MBNL1: variants seen among roughly 807,000 people sequenced by gnomAD.
The protein encoded by MBNL1 is muscleblind like splicing regulator 1, also known as muscleblind-like protein 1.
MBNL1 carries 8 observed loss-of-function variants against 42.2 expected under a neutral mutation model. The ratio of observed to expected loss-of-function variants is 0.19; its 90% CI spans 0.11 to 0.34. The LOEUF is 0.34. MBNL1 is among the 10% of genes least tolerant of loss of function. The pLI, the probability that MBNL1 is intolerant of heterozygous loss-of-function variation, is 1.00. For missense variants in MBNL1, 309 were observed against 495.3 expected (o/e 0.62, Z 3.57); for synonymous variants, 169 against 173.9 (o/e 0.97, Z 0.22).
chr3:152,428,633 T>G (rs2098967151), intron 3 of MBNL1, among the ~76,000 whole-genome samples: 1 of 152,210 alleles, frequency 6.6e-6, no homozygotes, highest in African/African-American at 2.4e-5. Context: ...CAGAAAAATG[T>G]ACCTATATCT....
intron 1 of MBNL1, among the ~76,000 whole-genome samples, chr3:152,271,622 A>G (rs950028723): frequency 2.0e-5 from 3 of 152,176 alleles, no homozygotes; most frequent in Admixed American, 2.0e-4. Context: ...AAAATTCTGT[A>G]TGCAAAGGCA....
intron 1 of MBNL1, among the ~76,000 whole-genome samples, chr3:152,292,774 C>CT (rs397874900): frequency 0.023 from 3,348 of 144,960 alleles, 59 homozygotes; most frequent in African/African-American, 0.057. Flanking sequence ...TTAATTAATA[C>CT]TTTTTTTTTT....
intron 2 of MBNL1, among the ~76,000 whole-genome samples, chr3:152,317,917 A>G (rs1169207364): frequency 3.3e-5 from 5 of 152,246 alleles, no homozygotes; most frequent in Admixed American, 1.3e-4. Context: ...TACAACAAGT[A>G]GTATCCTTTA....
At chr3:152,445,143 A>G (rs1212941371) in intron 4 of MBNL1, 139 bp from the exon 5 acceptor site, 6 of 639,568 alleles carry the variant, frequency 9.4e-6, no homozygotes, top group Admixed American at 8.8e-5. Context: ...TGCTGAAGTT[A>G]CTTGTTGCCT....
intron 2 of MBNL1, among the ~76,000 whole-genome samples, chr3:152,246,071 C>G (rs546933590): frequency 6.6e-6 from 1 of 152,008 alleles, no homozygotes; most frequent in Non-Finnish European, 1.5e-5. Flanking sequence ...GTGACAGAGC[C>G]AGATTCTGTC....
At chr3:152,422,613 A>G (rs770720554) in intron 3 of MBNL1, among the ~76,000 whole-genome samples, 3 of 152,234 alleles carry the variant, frequency 2.0e-5, no homozygotes, top group Non-Finnish European at 4.4e-5. Flanking sequence ...ATAGACATCT[A>G]CAGGACTCTC....
At chr3:152,400,500 C>T (rs1181915740) in intron 2 of MBNL1, among the ~76,000 whole-genome samples, 1 of 152,182 alleles carries the variant, frequency 6.6e-6, no homozygotes, top group Non-Finnish European at 1.5e-5. Flanking sequence ...ATAATACACT[C>T]TTTCTTAAGT....
intron 5 of MBNL1, chr3:152,446,670 A>C: frequency 6.2e-7 from 1 of 1,601,560 alleles, no homozygotes; most frequent in South Asian, 1.1e-5. Flanking sequence ...CCACTGGCCC[A>C]TTGCCATCAT....
chr3:152,385,275 A>G (rs1426037279), intron 2 of MBNL1, among the ~76,000 whole-genome samples: 1 of 152,068 alleles, frequency 6.6e-6, no homozygotes, highest in Non-Finnish European at 1.5e-5. Context: ...TTCCTTAAGT[A>G]AATAAGGTAC....
Position 152,359,905 on chromosome 3 carries a change from A to G in MBNL1, c.175-55036A>G, listed in dbSNP as rs115583453. 5.0e-3 allele frequency among the ~76,000 whole-genome samples: 756 copies of G among 152,324 alleles called. 1 individual carries two copies. Among genetic ancestry groups the G allele is most frequent in the Non-Finnish European group, 7.9e-3 (539 of 68,030 alleles). On this transcript the variant is annotated intron_variant, in intron 2 of 9. Coordinates refer to ENST00000324210, the MANE Select transcript of MBNL1 (RefSeq NM_021038.5). The stretch of plus-strand genomic sequence containing the variant: ...GCAGTTAGACCAGTCTCACTATAAA[A>G]TACAAAGCACAATAATACACAGAAG...
chr3:152,460,042 C>T (rs1358353994), intron 9 of MBNL1, among the ~76,000 whole-genome samples: 4 of 151,396 alleles, frequency 2.6e-5, no homozygotes, highest in African/African-American at 9.7e-5. Flanking sequence ...TTGCTTGAGC[C>T]CAGGAATTTA....
At chr3:152,260,638 TG>T (rs1212563174) in intron 2 of MBNL1, among the ~76,000 whole-genome samples, 30 of 151,930 alleles carry the variant, frequency 2.0e-4, no homozygotes, top group Non-Finnish European at 2.9e-4. Context: ...CTCAAGGGGG[TG>T]CTTATAATCA....
chr3:152,421,979 A>T (rs1445192889), intron 3 of MBNL1, among the ~76,000 whole-genome samples: 1 of 151,586 alleles, frequency 6.6e-6, no homozygotes, highest in East Asian at 1.9e-4. Context: ...AAAAAAAAAT[A>T]CCAAAATGTA....
chr3:152,301,130 T>G (rs1168366591), intron 2 of MBNL1, among the ~76,000 whole-genome samples: 1 of 152,198 alleles, frequency 6.6e-6, no homozygotes, highest in African/African-American at 2.4e-5. Flanking sequence ...AAAGTTAGCT[T>G]TTGTGGGCAC....
chr3:152,307,792 G>A (rs1408868059), intron 2 of MBNL1, among the ~76,000 whole-genome samples: 1 of 152,150 alleles, frequency 6.6e-6, no homozygotes, highest in Non-Finnish European at 1.5e-5. Context: ...ATAACTAACA[G>A]CAGTACTTAA....
chr3:152,261,275 T>A (rs575058894), intron 2 of MBNL1, among the ~76,000 whole-genome samples: 4 of 152,166 alleles, frequency 2.6e-5, no homozygotes, highest in Admixed American at 6.5e-5. Context: ...GTCTCCTCAT[T>A]ATGAGCATGG....
intron 1 of MBNL1, chr3:152,298,890 T>G (rs1370354803): frequency 1.3e-5 from 2 of 152,194 alleles, no homozygotes; most frequent in Non-Finnish European, 2.9e-5. Flanking sequence ...AGCTGCAATT[T>G]TTAAACCTTG....
intron 4 of MBNL1, among the ~76,000 whole-genome samples, chr3:152,442,159 C>G (rs2099153720): frequency 1.3e-5 from 2 of 151,966 alleles, no homozygotes; most frequent in African/African-American, 4.8e-5. Context: ...ATTTATCTGC[C>G]AAAAATAATG....
chr3:152,357,506 G>A (rs1170145074), intron 2 of MBNL1, among the ~76,000 whole-genome samples: 1 of 152,172 alleles, frequency 6.6e-6, no homozygotes, highest in Non-Finnish European at 1.5e-5. Context: ...GAGTGTTATA[G>A]GAGCAGGGAA....
Sources: gnomAD v4.1 joint callset for allele counts (sites outside exome capture counted in the v4.1 genomes callset) on GRCh38, gnomAD v4.1.1 for gene constraint, MANE v1.5 for transcripts, NCBI Gene and HGNC (gene_info 2026-07-23, HGNC 2026-07-21) for gene names.